NVL: variants seen among roughly 807,000 people sequenced by gnomAD.
NVL encodes the protein nuclear valosin-containing protein-like.
In NVL, 84 loss-of-function variants were observed where a neutral mutation model predicts 110.2. The observed-to-expected ratio is 0.76, with a 90% CI of 0.64 to 0.91. NVL has a LOEUF of 0.91. NVL is among the 40% of genes least tolerant of loss of function. The pLI is 0.00. For missense variants in NVL, 882 were observed against 1,035.9 expected, an observed-to-expected ratio of 0.85 and a Z score of 2.04; for synonymous variants, 354 against 361.1, an observed-to-expected ratio of 0.98 and a Z score of 0.22.
chr1:224,248,596 G>T (rs1366840452), intron 19 of NVL, among the ~76,000 whole-genome samples: 3 of 152,162 alleles, frequency 2.0e-5, no homozygotes, highest in Non-Finnish European at 4.4e-5. Context: ...ACTAAAAAAA[G>T]TTAAACAATT....
At chr1:224,250,126 A>G (rs942416711) in intron 19 of NVL, 86 bp downstream of exon 19, 7 of 1,363,486 alleles carry the variant, frequency 5.1e-6, no homozygotes, top group Non-Finnish European at 7.0e-6. Flanking sequence ...GAAAGTAATC[A>G]GTCAACGAAA....
chr1:224,300,068 A>G (rs542605026), intron 10 of NVL, among the ~76,000 whole-genome samples: 2 of 152,356 alleles, frequency 1.3e-5, no homozygotes, highest in African/African-American at 2.4e-5. Flanking sequence ...CGAAGGTTTT[A>G]TAAGAATTCT....
intron 1 of NVL, among the ~76,000 whole-genome samples, chr1:224,329,203 C>T (rs1363177760): frequency 6.6e-6 from 1 of 151,850 alleles, no homozygotes; most frequent in East Asian, 1.9e-4. Context: ...GCCTGGGCAA[C>T]AGAGCGAGAC....
At chr1:224,281,871 C>T (rs1007718724) in intron 15 of NVL, among the ~76,000 whole-genome samples, 1 of 149,574 alleles carries the variant, frequency 6.7e-6, no homozygotes. Context: ...GAGAATTGCT[C>T]GCACCCGGGA....
At chr1:224,233,110 G>T (rs1056341551) in intron 21 of NVL, 91 bp downstream of exon 21, 2 of 1,059,672 alleles carry the variant, frequency 1.9e-6, no homozygotes, top group Non-Finnish European at 2.8e-6. Context: ...TAATATCATA[G>T]ATAATAGACA....
intron 18 of NVL, among the ~76,000 whole-genome samples, chr1:224,254,635 G>A (rs1329087310): frequency 1.4e-5 from 2 of 143,404 alleles, no homozygotes; most frequent in Non-Finnish European, 3.0e-5. Context: ...GGCTGGTCTC[G>A]AACTCCCAAC....
chr1:224,311,235 T>G (rs1472921675), intron 5 of NVL, among the ~76,000 whole-genome samples: 1 of 148,368 alleles, frequency 6.7e-6, no homozygotes, highest in Non-Finnish European at 1.5e-5. Flanking sequence ...TTTTGGGGGG[T>G]TTTTTGGTAG....
In NVL at chr1:224,323,000, G is replaced by C. The variant is rs544357693; in HGVS notation, c.131+3391C>G. Reference sequence around the variant, plus strand: ...GGCAATTCTGGTAAGAGCTCAGAAAGACAAGAGAAGAGCTGTACAGGAAGG... The same window carrying C: ...GGCAATTCTGGTAAGAGCTCAGAAACACAAGAGAAGAGCTGTACAGGAAGG... On this transcript the variant is annotated intron_variant, in intron 2 of 22. Coordinates refer to ENST00000281701, the MANE Select transcript of NVL (RefSeq NM_002533.4). 2.6e-5 allele frequency among the ~76,000 whole-genome samples: 4 copies of C among 152,022 alleles called. No individual in the cohort carries two copies. In the South Asian group the frequency reaches 8.3e-4, roughly 32 times the overall value.
At chr1:224,263,117 G>C (rs1448167784) in intron 18 of NVL, among the ~76,000 whole-genome samples, 1 of 152,312 alleles carries the variant, frequency 6.6e-6, no homozygotes, top group African/African-American at 2.4e-5. Flanking sequence ...GTTGCCTCTG[G>C]GCAGGGGATT....
At chr1:224,271,562 A>G (rs1665104197) in intron 17 of NVL, among the ~76,000 whole-genome samples, 1 of 152,164 alleles carries the variant, frequency 6.6e-6, no homozygotes. Context: ...AAAAAATTCT[A>G]GAATGATGCA....
At chr1:224,233,106 C>A in intron 21 of NVL, 95 bp downstream of exon 21, 2 of 1,001,676 alleles carry the variant, frequency 2.0e-6, no homozygotes, top group East Asian at 2.5e-5. Context: ...GCTTTAATAT[C>A]ATAGATAATA....
chr1:224,240,154 G>T (rs1335483797), intron 19 of NVL, among the ~76,000 whole-genome samples: 1 of 137,156 alleles, frequency 7.3e-6, no homozygotes, highest in Non-Finnish European at 1.5e-5. Context: ...TGCAACCTCC[G>T]CCCCTCAGGT....
chr1:224,278,907 T>C lies in NVL; in HGVS notation c.1962+2216A>G, dbSNP rs180823187. Among the ~76,000 whole-genome samples, 536 of 152,176 alleles carry C rather than the reference T, an allele frequency of 3.5e-3. 4 individuals carry two copies. The highest frequency in any genetic ancestry group is 0.012 in the African/African-American group (503 of 41,526). ...ATCTGGCTAATTTTATGGGGTTTTT[T>C]TGTAGAGACAGGGTCTCACTATGTT... On this transcript the variant is annotated intron_variant, in intron 16 of 22. Coordinates refer to ENST00000281701, the MANE Select transcript of NVL (RefSeq NM_002533.4).
chr1:224,283,245 T>C (rs1017672753), intron 15 of NVL, among the ~76,000 whole-genome samples: 3 of 152,094 alleles, frequency 2.0e-5, no homozygotes, highest in African/African-American at 7.2e-5. Context: ...CCCAGCACTT[T>C]GGGAGGCTGA....
chr1:224,247,659 ACT>A (rs1484090499), intron 19 of NVL, among the ~76,000 whole-genome samples: 1 of 142,480 alleles, frequency 7.0e-6, no homozygotes, highest in Admixed American at 7.0e-5. Context: ...ACAGAGTGAC[ACT>A]CTGTCTCAAA....
chr1:224,304,720 C>T lies in NVL; in HGVS notation c.825+16G>A. On this transcript the variant is annotated intron_variant, in intron 8 of 22. Coordinates refer to ENST00000281701, the MANE Select transcript of NVL (RefSeq NM_002533.4). ...TAATATATCCATTTGAGGTAAAATT[C>T]AGAATTTGCACTAACTTTTAATGTC... 1 of 1,601,926 alleles carries T rather than the reference C, an allele frequency of 6.2e-7. No individual in the cohort carries two copies.
intron 18 of NVL, among the ~76,000 whole-genome samples, chr1:224,255,121 C>A (rs985427349): frequency 6.8e-6 from 1 of 148,078 alleles, no homozygotes; most frequent in Non-Finnish European, 1.5e-5. Context: ...CCGTCTGCCT[C>A]GGTTCCCAAA....
intron 18 of NVL, among the ~76,000 whole-genome samples, chr1:224,263,096 T>C (rs1664145255): frequency 6.6e-6 from 1 of 152,010 alleles, no homozygotes; most frequent in Admixed American, 6.6e-5. Context: ...AGGAAAAAAA[T>C]AGCTCAAGTG....
At chr1:224,274,059 C>CACACACACACACACACACACA (rs56312516) in intron 17 of NVL, among the ~76,000 whole-genome samples, 1 of 133,100 alleles carries the variant, frequency 7.5e-6, no homozygotes, top group Admixed American at 7.0e-5. Context: ...CACACACACA[C>CACACACACACACACACACACA]CCATATTGAA....
Sources: allele counts gnomAD v4.1 joint callset (sites outside exome capture counted in the v4.1 genomes callset), GRCh38; gene constraint gnomAD v4.1.1; transcripts MANE v1.5; gene names NCBI Gene and HGNC (gene_info 2026-07-23, HGNC 2026-07-21).